Variants in STXBP4 observed in about 807,000 individuals in gnomAD.
The protein encoded by STXBP4 is syntaxin-binding protein 4.
In STXBP4, 55 loss-of-function variants were observed where a neutral mutation model predicts 76.1. The ratio of observed to expected loss-of-function variants is 0.72; its 90% CI spans 0.58 to 0.91. STXBP4 has a LOEUF of 0.91. Among genes scored for constraint, STXBP4 ranks in the 40% least tolerant of loss-of-function variants. The pLI, the probability that STXBP4 is intolerant of heterozygous loss-of-function variation, is 0.00. For missense variants in STXBP4, 618 were observed against 636.9 expected (o/e 0.97, Z 0.32); for synonymous variants, 201 against 220.2 (o/e 0.91, Z 0.77).
intron 16 of STXBP4, among the ~76,000 whole-genome samples, chr17:55,103,006 C>A (rs1170496924): frequency 6.6e-6 from 1 of 152,002 alleles, no homozygotes; most frequent in Non-Finnish European, 1.5e-5. Flanking sequence ...TGTTTAAGTT[C>A]TTTGTAGATT....
chr17:55,209,176 T>C, the STXBP4 span, among the ~76,000 whole-genome samples: 7 of 151,402 alleles, frequency 4.6e-5, no homozygotes, highest in Admixed American at 4.0e-4. Flanking sequence ...GTCTGAAGAT[T>C]AAAAAAAAAT....
chr17:55,026,337 T>C (rs545199967), intron 8 of STXBP4, among the ~76,000 whole-genome samples: 1 of 151,554 alleles, frequency 6.6e-6, no homozygotes, highest in African/African-American at 2.4e-5. Context: ...AAGAAAAAAG[T>C]TTTTTTTTCC....
the STXBP4 span, among the ~76,000 whole-genome samples, chr17:55,199,751 A>G: frequency 6.6e-6 from 1 of 152,242 alleles, no homozygotes; most frequent in Non-Finnish European, 1.5e-5. Flanking sequence ...TTGTTCCTCG[A>G]GTGCTTAAAG....
At chr17:55,178,474 T>C (rs1180349633), downstream of STXBP4, among the ~76,000 whole-genome samples, 2 of 152,240 alleles carry the variant, frequency 1.3e-5, no homozygotes, top group East Asian at 1.9e-4. Context: ...ACTCATAAGA[T>C]TGTGAAGGAT....
At chr17:55,037,245 T>C (rs1459628492) in intron 10 of STXBP4, among the ~76,000 whole-genome samples, 1 of 152,166 alleles carries the variant, frequency 6.6e-6, no homozygotes, top group Non-Finnish European at 1.5e-5. Context: ...CAGGGAGCAT[T>C]GTTTTTTACT....
downstream of STXBP4, among the ~76,000 whole-genome samples, chr17:55,175,028 AAAAC>A (rs1422432611): frequency 6.6e-6 from 1 of 152,124 alleles, no homozygotes; most frequent in African/African-American, 2.4e-5. Context: ...TCTCAAAAAA[AAAAC>A]AAACAAAACA....
intron 5 of STXBP4, 23 bp from the exon 6 acceptor site, chr17:54,999,609 A>G: frequency 6.3e-7 from 1 of 1,594,582 alleles, no homozygotes; most frequent in South Asian, 1.1e-5. Flanking sequence ...CATATCCATA[A>G]AGTGATTTCT....
In STXBP4 at chr17:55,127,274, A is replaced by G. The variant is rs180827400; in HGVS notation, c.1490-14036A>G. 1.3e-4 allele frequency among the ~76,000 whole-genome samples: 20 copies of G among 152,288 alleles called. No homozygotes were observed. In the East Asian group the frequency reaches 3.9e-3, roughly 29 times the overall value. ...TTCCACTCAGTGTAGGGCTTTTGAG[A>G]TTCATCCTTGTATGCGTAATGTTGA... On this transcript the variant is annotated intron_variant, in intron 16 of 17. Transcript: ENST00000376352.
rs1298422809 is a variant in STXBP4, at chr17:55,164,438, C to CTTCT, written c.*4529_*4530insCTTT. On this transcript the variant is annotated 3_prime_UTR_variant, in exon 18 of 18. Coordinates refer to ENST00000376352, the MANE Select transcript of STXBP4 (RefSeq NM_178509.6). ...CTATATCACTCTACCCTGTTTATTTCTTTTTTTTTTTTTTTTTTTTTTTGA... is the reference window on the plus strand; with the variant it reads ...CTATATCACTCTACCCTGTTTATTTCTTCTTTTTTTTTTTTTTTTTTTTTTTTGA... 3.5e-5 allele frequency: 3 copies of CTTCT among 86,660 alleles called. No homozygotes were observed. Among genetic ancestry groups the CTTCT allele is most frequent in the Non-Finnish European group, 6.3e-5 (3 of 47,430 alleles). 5.4% of individuals were successfully genotyped at this position (86,660 alleles called of 1,614,324 possible). A position where few individuals can be genotyped will look rare whatever the true frequency, so the allele number is the denominator to read the frequency against.
chr17:55,041,088 A>G (rs1443746385), intron 10 of STXBP4, among the ~76,000 whole-genome samples: 1 of 152,026 alleles, frequency 6.6e-6, no homozygotes, highest in Non-Finnish European at 1.5e-5. Flanking sequence ...TTGCCTCTCA[A>G]AATAGTACCA....
At chr17:55,117,692 A>G (rs2079797626) in intron 16 of STXBP4, among the ~76,000 whole-genome samples, 3 of 151,950 alleles carry the variant, frequency 2.0e-5, no homozygotes, top group African/African-American at 7.2e-5. Context: ...AAAGGTACAG[A>G]TGTTTACATT....
At position 55,159,985 on chromosome 17, in the gene STXBP4, C is replaced by T. The variant is rs1219572612; in HGVS notation, c.*74C>T. On this transcript the variant is annotated 3_prime_UTR_variant, in exon 18 of 18. Coordinates refer to ENST00000376352, the MANE Select transcript of STXBP4 (RefSeq NM_178509.6). ...CATAACATCCAATTCTGAGATGAAA[C>T]AGTCTAAAATAGGAGTAAAGCATGC... The T allele has an allele frequency of 1.4e-5, 13 of 939,534 alleles. No individual in the cohort carries two copies. Among genetic ancestry groups the T allele is most frequent in the South Asian group, 2.9e-5 (2 of 68,436 alleles). 58.2% of individuals were successfully genotyped at this position (939,534 alleles called of 1,614,324 possible). A position where few individuals can be genotyped will look rare whatever the true frequency, so the allele number is the denominator to read the frequency against.
chr17:55,047,467 A>G (rs2144762364), intron 12 of STXBP4, among the ~76,000 whole-genome samples: 1 of 151,352 alleles, frequency 6.6e-6, no homozygotes, highest in Non-Finnish European at 1.5e-5. Context: ...CTTTTCTTTC[A>G]TTTCCCCTTT....
chr17:55,004,420 G>T (rs1279489544), intron 7 of STXBP4, among the ~76,000 whole-genome samples: 1 of 152,026 alleles, frequency 6.6e-6, no homozygotes, highest in Non-Finnish European at 1.5e-5. Flanking sequence ...ATCCGAGAGA[G>T]GCCAGGCATG....
chr17:55,159,856 G>T lies in STXBP4; in HGVS notation c.1607G>T (p.Arg536Leu), dbSNP rs774093883. Residue 536 changes from arginine to leucine, a missense_variant, in exon 18 of 18, where the codon CGC (arginine) becomes CTC (leucine). Arg to Leu is a moderately radical substitution (Grantham distance 102). Coordinates refer to ENST00000376352, the MANE Select transcript of STXBP4 (RefSeq NM_178509.6). ...HPVMSVLNLS[R>L]SEENEEDCSR... ...GTGATGAGTGTCCTGAATCTATCTC[G>T]CTCAGAGGAGAATGAAGAGGATTGC... is the stretch of plus-strand genomic sequence containing the variant. 5 of 1,613,970 alleles carry T rather than the reference G, an allele frequency of 3.1e-6. No homozygotes were observed. The highest frequency in any genetic ancestry group is 4.2e-6 in the Non-Finnish European group (5 of 1,179,914).
downstream of STXBP4, among the ~76,000 whole-genome samples, chr17:55,174,766 T>C (rs944944782): frequency 6.6e-6 from 1 of 152,236 alleles, no homozygotes; most frequent in African/African-American, 2.4e-5. Context: ...GATCTAAGAA[T>C]GGCTCTGCCT....
At chr17:54,989,180 T>C (rs778698285) in intron 3 of STXBP4, among the ~76,000 whole-genome samples, 2 of 152,222 alleles carry the variant, frequency 1.3e-5, no homozygotes, top group African/African-American at 2.4e-5. Flanking sequence ...CGATCTTGGC[T>C]CACAGCAAGC....
intron 3 of STXBP4, among the ~76,000 whole-genome samples, chr17:54,987,933 A>G (rs1184010511): frequency 6.6e-6 from 1 of 152,182 alleles, no homozygotes; most frequent in Non-Finnish European, 1.5e-5. Flanking sequence ...TTTAACTTGT[A>G]ATTCTCTTAT....
At chr17:55,198,819 A>G in the STXBP4 span, among the ~76,000 whole-genome samples, 341 of 152,354 alleles carry the variant, frequency 2.2e-3, 4 homozygotes, top group African/African-American at 7.8e-3. Context: ...CCATTGTGGC[A>G]TACGACTCCA....
Sources: gnomAD v4.1 joint callset for allele counts (sites outside exome capture counted in the v4.1 genomes callset) on GRCh38, gnomAD v4.1.1 for gene constraint, MANE v1.5 for transcripts, NCBI Gene and HGNC (gene_info 2026-07-23, HGNC 2026-07-21) for gene names.